The following CFAP100 variants were observed in gnomAD, a reference collection of about 807,000 sequenced individuals.
CFAP100 encodes the protein cilia and flagella associated protein 100.
A neutral mutation model predicts 81.5 loss-of-function variants in CFAP100; 70 were observed. That is an observed-to-expected ratio of 0.86 (90% CI 0.71 to 1.05). The LOEUF is 1.05. CFAP100 is among the 50% of genes least tolerant of loss of function. CFAP100 has a pLI of 0.00. For synonymous variants in CFAP100, 341 were observed against 314.8 expected (o/e 1.08, Z -0.88); for missense variants, 811 against 776.5 (o/e 1.04, Z -0.53).
chr3:126,423,593 A>G lies in CFAP100; in HGVS notation c.1235A>G (p.Glu412Gly). ...CTGATCCAGAACAGCCAGGAGACGGAGAAGACCCTGGAGGAGCTGAGCCAC... is the reference window on the plus strand; with the variant it reads ...CTGATCCAGAACAGCCAGGAGACGGGGAAGACCCTGGAGGAGCTGAGCCAC... The part of the protein sequence containing the change: ...LSLIQNSQET[E>G]KTLEELSHTL... The change falls in exon 13 of 17, where the codon GAG (glutamate) becomes GGG (glycine). Residue 412 changes from glutamate to glycine, a missense_variant. Physicochemically the swap from Glu to Gly is moderately conservative, Grantham distance 98. Transcript: ENST00000352312. The G allele has an allele frequency of 8.0e-7, 1 of 1,254,840 alleles. No individual in the cohort carries two copies. The highest frequency in any genetic ancestry group is 1.1e-6 in the Non-Finnish European group (1 of 875,296). The allele number at this position is 1,254,840 out of a possible 1,614,324, so 77.7% of individuals were successfully genotyped here.
At chr3:126,414,219 C>T in intron 4 of CFAP100, 40 bp downstream of exon 4, 1 of 1,430,432 alleles carries the variant, frequency 7.0e-7, no homozygotes, top group Non-Finnish European at 9.9e-7. Context: ...CCGGGAGCTT[C>T]CCTGCTCCCA....
intron 4 of CFAP100, chr3:126,414,399 C>G (rs1415958770): frequency 3.0e-6 from 2 of 658,154 alleles, no homozygotes; most frequent in African/African-American, 3.6e-5. Flanking sequence ...CACCACTCTT[C>G]TTGGGTCTTG....
At chr3:126,420,046 G>T (rs1877967) in intron 10 of CFAP100, 25 bp downstream of exon 10, 367,671 of 1,613,040 alleles carry the variant, frequency 0.23, 44,791 homozygotes, top group African/African-American at 0.44. Flanking sequence ...CCAGCCTGAG[G>T]AGGAGCCTGG....
Position 126,434,225 on chromosome 3 carries a change from A to G in CFAP100, c.1472A>G (p.His491Arg). The change falls in exon 15 of 17, where the codon CAC becomes CGC. Residue 491 changes from histidine (H) to arginine (R), a missense_variant. By Grantham distance (29) the His-to-Arg change is conservative. Transcript: ENST00000352312. Reference protein sequence around the residue: ...LNCKVLDVYRHCTGTQQEANL... With the variant: ...LNCKVLDVYRRCTGTQQEANL... ...TGCAAGGTGCTGGATGTGTACCGGC[A>G]CTGCACCGGCACCCAGCAGGAGGCC... 1 of 1,613,842 alleles carries G rather than the reference A, an allele frequency of 6.2e-7. No individual in the cohort carries two copies. Among genetic ancestry groups the G allele is most frequent in the Non-Finnish European group, 8.5e-7 (1 of 1,179,982 alleles).
At chr3:126,418,863 C>A in intron 7 of CFAP100, 89 bp downstream of exon 7, 1 of 1,435,076 alleles carries the variant, frequency 7.0e-7, no homozygotes, top group African/African-American at 1.4e-5. Context: ...CAGCCTCTGC[C>A]CCCAGCCCCT....
In CFAP100 at chr3:126,416,200, C is replaced by G. The variant is rs2083235129; in HGVS notation, c.226-116C>G. 3.5e-6 allele frequency: 3 copies of G among 856,452 alleles called. No homozygotes were observed. In the African/African-American group the frequency reaches 5.1e-5, roughly 15 times the overall value. 53.1% of individuals were successfully genotyped at this position (856,452 alleles called of 1,614,324 possible). A position where few individuals can be genotyped will look rare whatever the true frequency, so the allele number is the denominator to read the frequency against. On this transcript the variant is annotated intron_variant, in intron 4 of 16. Coordinates refer to ENST00000352312, the MANE Select transcript of CFAP100 (RefSeq NM_182628.3). Reference sequence around the variant, plus strand: ...GCTCTCAGCCCGGGACAGCAGTGTTCAGGTCCCCGCGTCCTCGCGCGCAAA... The same window carrying G: ...GCTCTCAGCCCGGGACAGCAGTGTTGAGGTCCCCGCGTCCTCGCGCGCAAA...
At chr3:126,428,698 G>C (rs573163413) in intron 13 of CFAP100, among the ~76,000 whole-genome samples, 2 of 152,236 alleles carry the variant, frequency 1.3e-5, no homozygotes, top group East Asian at 3.9e-4. Flanking sequence ...GTTCATAGGG[G>C]ATATTGGCCT....
In CFAP100 at chr3:126,414,170, G is replaced by A; in HGVS notation, c.216G>A (p.Lys72=). 2 of 1,613,026 alleles carry A rather than the reference G, an allele frequency of 1.2e-6. No individual in the cohort carries two copies. Among genetic ancestry groups the A allele is most frequent in the South Asian group, 1.1e-5 (1 of 91,056 alleles). Residue 72 remains lysine, a synonymous_variant, in exon 4 of 17, where the codon AAG becomes AAA. Coordinates refer to ENST00000352312, the MANE Select transcript of CFAP100 (RefSeq NM_182628.3). ...TGCTCAGAGATCAGGAGCGGAATAA[G>A]GCTCTCTCCGTGAGTATCCAGGACA... ...FFLLRDQERN[K]ALSERQQQKT... is the part of the protein sequence containing the mutation.
At chr3:126,409,044 C>A (rs2083114473) in intron 3 of CFAP100, among the ~76,000 whole-genome samples, 1 of 152,208 alleles carries the variant, frequency 6.6e-6, no homozygotes, top group Non-Finnish European at 1.5e-5. Context: ...CAGCCTCGGC[C>A]TCCCAAAGTG....
chr3:126,425,851 A>G (rs11712747), intron 13 of CFAP100, among the ~76,000 whole-genome samples: 48,532 of 152,144 alleles, frequency 0.32, 7,753 homozygotes, highest in East Asian at 0.36. Context: ...AACACAATCC[A>G]ACATCCACTC....
chr3:126,415,762 T>G (rs2083225794), intron 4 of CFAP100, among the ~76,000 whole-genome samples: 2 of 150,466 alleles, frequency 1.3e-5, no homozygotes, highest in Non-Finnish European at 3.0e-5. Context: ...CGGGGCGGGG[T>G]CGGGGTGTGG....
Position 126,433,518 on chromosome 3 carries a change from G to A in CFAP100, c.1422+314G>A, listed in dbSNP as rs1933315548. The A allele has an allele frequency of 5.4e-5, 16 of 298,708 alleles. 1 individual carries two copies. The South Asian group carries it at 7.8e-4, about 15-fold the overall frequency. The allele number at this position is 298,708 out of a possible 1,614,324, so 18.5% of individuals were successfully genotyped here. A position where few individuals can be genotyped will look rare whatever the true frequency, so the allele number is the denominator to read the frequency against. ...AAGAGGCGTGTCCTCAAGCCAGGCT[G>A]AGAGGGTGAGAGAATTGGGAGAGAA... On this transcript the variant is annotated intron_variant, in intron 14 of 16. Transcript: ENST00000352312.
At position 126,418,704 on chromosome 3, in the gene CFAP100, G is replaced by T. The variant is rs139162708; in HGVS notation, c.580G>T (p.Glu194Ter). 2.5e-6 allele frequency: 4 copies of T among 1,589,168 alleles called. No homozygotes were observed. The African/African-American group carries it at 4.0e-5, about 16-fold the overall frequency. The change falls in exon 7 of 17, where the codon GAG becomes TAG. Residue 194 changes from glutamate to a stop codon, truncating the protein, a stop_gained. Transcript: ENST00000352312. LOFTEE classifies it high-confidence loss of function. ...GCTGGAGCGGGCCGAGAAATCCCTG[G>T]AGAAGGACGCCGCCTTGTTCGACGA... ...ARLERAEKSL[E>*]KDAALFDEFV...
Position 126,420,168 on chromosome 3 carries a change from T to C in CFAP100, c.1021T>C (p.Tyr341His), listed in dbSNP as rs1289357940. ...QTMRLGRSPS[Y>H]LSSPQQGSQP... ...GATGCGGCTGGGGCGGAGCCCGTCT[T>C]ACCTGAGCAGCCCCCAGCAAGGCAG... The change falls in exon 11 of 17, where the codon TAC (tyrosine) becomes CAC (histidine). Residue 341 changes from tyrosine (Y) to histidine (H), a missense_variant. Physicochemically the swap from Tyr to His is moderately conservative, Grantham distance 83. Transcript: ENST00000352312. 4.3e-6 allele frequency: 7 copies of C among 1,612,698 alleles called. No individual in the cohort carries two copies. The Admixed American group carries it at 5.0e-5, about 12-fold the overall frequency.
At chr3:126,409,035 AGCCTCGGC>A (rs2083114294) in intron 3 of CFAP100, among the ~76,000 whole-genome samples, 1 of 152,144 alleles carries the variant, frequency 6.6e-6, no homozygotes, top group Non-Finnish European at 1.5e-5. Context: ...TCAGTGCTTC[AGCCTCGGC>A]CTCCCAAAGT....
intron 4 of CFAP100, among the ~76,000 whole-genome samples, chr3:126,414,926 G>C (rs1159348086): frequency 2.0e-5 from 3 of 152,182 alleles, no homozygotes; most frequent in Non-Finnish European, 4.4e-5. Context: ...TGGTTCCCAA[G>C]GCAGCAACAG....
chr3:126,423,430 C>CCCCCACCCCTGCCCCTCTGGCTCTGT, intron 12 of CFAP100, 54 bp downstream of exon 12: 2 of 1,606,568 alleles, frequency 1.2e-6, no homozygotes, highest in African/African-American at 2.7e-5. Context: ...TCTTTCCCTG[C>CCCCCACCCCTGCCCCTCTGGCTCTGT]CCCCACCCCT....
intron 13 of CFAP100, 74 bp from the exon 14 acceptor site, chr3:126,432,995 G>C: frequency 6.4e-7 from 1 of 1,573,826 alleles, no homozygotes; most frequent in Non-Finnish European, 8.7e-7. Flanking sequence ...GCACTGTACA[G>C]ACAGGCTCAG....
intron 13 of CFAP100, among the ~76,000 whole-genome samples, chr3:126,431,112 T>C (rs957792820): frequency 1.3e-5 from 2 of 152,186 alleles, no homozygotes; most frequent in African/African-American, 2.4e-5. Flanking sequence ...ATTCTCCATG[T>C]GTTGGCTGGT....
Sources: allele counts gnomAD v4.1 joint callset (sites outside exome capture counted in the v4.1 genomes callset), GRCh38; gene constraint gnomAD v4.1.1; transcripts MANE v1.5; gene names NCBI Gene and HGNC (gene_info 2026-07-23, HGNC 2026-07-21).